The following KCNMA1 variants were observed in gnomAD, a reference collection of about 807,000 sequenced individuals.
KCNMA1 encodes Calcium-activated potassium channel subunit alpha-1.
Under a neutral mutation model 140.0 loss-of-function variants are expected in KCNMA1, and 29 were observed. The observed-to-expected ratio is 0.21, with a 90% CI of 0.15 to 0.28. The LOEUF (loss-of-function observed/expected upper bound fraction) is 0.28. Among genes scored for constraint, KCNMA1 ranks in the 10% least tolerant of loss-of-function variants. The probability of loss-of-function intolerance (pLI) is 1.00; values close to 1 mark genes in which losing one functional copy is unlikely to be tolerated. For synonymous variants in KCNMA1, 612 were observed against 611.9 expected (o/e 1.00, Z 0.00); for missense variants, 880 against 1,602.2 (o/e 0.55, Z 7.70).
At chr10:77,487,900 T>C (rs2098479811) in intron 1 of KCNMA1, among the ~76,000 whole-genome samples, 1 of 152,098 alleles carries the variant, frequency 6.6e-6, no homozygotes, top group African/African-American at 2.4e-5. Context: ...CAGGTTGGGC[T>C]GGTACTGTGC....
chr10:77,297,169 T>G (rs567601389), intron 2 of KCNMA1, among the ~76,000 whole-genome samples: 36 of 152,178 alleles, frequency 2.4e-4, no homozygotes, highest in Non-Finnish European at 4.1e-4. Context: ...AATCATAACC[T>G]TCCTCTGGCT....
At chr10:76,935,835 T>C (rs2163795) in intron 23 of KCNMA1, among the ~76,000 whole-genome samples, 14,331 of 152,182 alleles carry the variant, frequency 0.094, 1,428 homozygotes, top group African/African-American at 0.25. Flanking sequence ...TCTGCATCCA[T>C]TTGGAAGGAA....
At chr10:77,185,691 C>T (rs2098844152) in intron 3 of KCNMA1, among the ~76,000 whole-genome samples, 1 of 151,774 alleles carries the variant, frequency 6.6e-6, no homozygotes, top group Non-Finnish European at 1.5e-5. Context: ...CAAGAGTCGC[C>T]AGTTCAAAAG....
At chr10:76,875,986 G>A (rs1440672192), downstream of KCNMA1, 4 of 152,568 alleles carry the variant, frequency 2.6e-5, no homozygotes, top group Non-Finnish European at 4.4e-5. Flanking sequence ...AAAATGTGAC[G>A]ACAGAGTAAC....
intron 19 of KCNMA1, among the ~76,000 whole-genome samples, chr10:76,983,976 T>C (rs1438651616): frequency 6.6e-6 from 1 of 152,172 alleles, no homozygotes; most frequent in African/African-American, 2.4e-5. Flanking sequence ...CAAAATAATT[T>C]TTAAAAATAG....
intron 1 of KCNMA1, among the ~76,000 whole-genome samples, chr10:77,507,833 T>G (rs1273039391): frequency 2.0e-5 from 3 of 152,214 alleles, no homozygotes; most frequent in Non-Finnish European, 4.4e-5. Flanking sequence ...AAAAAACATG[T>G]GCATCCTTTG....
chr10:77,225,756 GC>G (rs2051155528), intron 3 of KCNMA1, among the ~76,000 whole-genome samples: 1 of 152,174 alleles, frequency 6.6e-6, no homozygotes, highest in African/African-American at 2.4e-5. Flanking sequence ...GCACCAAGGG[GC>G]CATGGAGGCC....
At chr10:77,541,326 G>C (rs1262621555) in intron 1 of KCNMA1, among the ~76,000 whole-genome samples, 1 of 151,910 alleles carries the variant, frequency 6.6e-6, no homozygotes, top group South Asian at 2.1e-4. Flanking sequence ...ACAATAAAAA[G>C]ACAAAAAATA....
intron 3 of KCNMA1, among the ~76,000 whole-genome samples, chr10:77,202,576 C>T (rs908381738): frequency 2.0e-5 from 3 of 152,128 alleles, no homozygotes; most frequent in Non-Finnish European, 4.4e-5. Context: ...ACTGAGGAGC[C>T]AACAAGTGAT....
At chr10:77,026,596 ATTTG>A (rs2153520982) in intron 16 of KCNMA1, among the ~76,000 whole-genome samples, 1 of 152,332 alleles carries the variant, frequency 6.6e-6, no homozygotes, top group South Asian at 2.1e-4. Context: ...CTATCTACAT[ATTTG>A]TTAACTGCTA....
At chr10:76,955,298 T>C (rs990513725) in intron 20 of KCNMA1, among the ~76,000 whole-genome samples, 2 of 151,940 alleles carry the variant, frequency 1.3e-5, no homozygotes, top group Non-Finnish European at 2.9e-5. Context: ...TTCCCACTTA[T>C]ATGTCAAGAG....
intron 19 of KCNMA1, among the ~76,000 whole-genome samples, chr10:76,983,229 T>C (rs1432606809): frequency 6.6e-6 from 1 of 152,264 alleles, no homozygotes; most frequent in East Asian, 1.9e-4. Flanking sequence ...CTTGATTTTG[T>C]TGAATCAATA....
chr10:77,269,612 A>G (rs2064410387), intron 2 of KCNMA1, among the ~76,000 whole-genome samples: 1 of 152,128 alleles, frequency 6.6e-6, no homozygotes, highest in Non-Finnish European at 1.5e-5. Flanking sequence ...AAAGCTCCCC[A>G]AGTAATTCCA....
intron 1 of KCNMA1, among the ~76,000 whole-genome samples, chr10:77,461,341 T>C (rs2097863391): frequency 6.6e-6 from 1 of 152,080 alleles, no homozygotes; most frequent in Non-Finnish European, 1.5e-5. Flanking sequence ...ACCCTGCTAT[T>C]TGTGGGGCAA....
intron 1 of KCNMA1, among the ~76,000 whole-genome samples, chr10:77,581,874 C>T (rs1161649447): frequency 1.3e-5 from 2 of 152,222 alleles, no homozygotes; most frequent in African/African-American, 4.8e-5. Context: ...AAGACAGCTT[C>T]AAAGAGCATC....
At chr10:77,445,751 C>T (rs1372521441) in intron 1 of KCNMA1, among the ~76,000 whole-genome samples, 4 of 152,178 alleles carry the variant, frequency 2.6e-5, no homozygotes, top group African/African-American at 9.7e-5. Context: ...GACCTGCTTA[C>T]TGTCCACAGA....
At chr10:77,260,098 C>G (rs1241138114) in intron 2 of KCNMA1, among the ~76,000 whole-genome samples, 1 of 152,158 alleles carries the variant, frequency 6.6e-6, no homozygotes, top group African/African-American at 2.4e-5. Flanking sequence ...CAGGTAATGG[C>G]AGCATCCAGG....
rs541371878 is a variant in KCNMA1, at chr10:77,626,013, G to T, written c.378+11252C>A. On this transcript the variant is annotated intron_variant, in intron 1 of 27. Coordinates refer to ENST00000286628, the MANE Select transcript of KCNMA1 (RefSeq NM_001161352.2). ...TTTCTCCACATCCTCACCAACACTGGTGATTTTCTATTTTTTTTTTTTTAC... is the reference window on the plus strand; with the variant it reads ...TTTCTCCACATCCTCACCAACACTGTTGATTTTCTATTTTTTTTTTTTTAC... 2.3e-4 allele frequency among the ~76,000 whole-genome samples: 29 copies of T among 127,574 alleles called. 1 individual carries two copies. The South Asian group carries it at 6.6e-3, about 29-fold the overall frequency. The allele number at this position is 127,574 out of a possible 152,430, so 83.7% of individuals were successfully genotyped here.
chr10:77,268,363 G>A (rs1355906852), intron 2 of KCNMA1, among the ~76,000 whole-genome samples: 3 of 152,132 alleles, frequency 2.0e-5, no homozygotes, highest in Non-Finnish European at 2.9e-5. Flanking sequence ...CATGCTGTTC[G>A]CAGAGTATAG....
Sources: gnomAD v4.1 joint callset for allele counts (sites outside exome capture counted in the v4.1 genomes callset) on GRCh38, gnomAD v4.1.1 for gene constraint, MANE v1.5 for transcripts, NCBI Gene and HGNC (gene_info 2026-07-23, HGNC 2026-07-21) for gene names.